Variants in FAM120B observed in about 807,000 individuals in gnomAD.
FAM120B encodes family with sequence similarity 120 member B.
Under a neutral mutation model 96.3 loss-of-function variants are expected in FAM120B, and 83 were observed. That is an observed-to-expected ratio of 0.86 (90% CI 0.72 to 1.03). The LOEUF (loss-of-function observed/expected upper bound fraction) is 1.03. FAM120B is among the 50% of genes least tolerant of loss of function. The pLI, the probability that FAM120B is intolerant of heterozygous loss-of-function variation, is 0.00. For missense variants in FAM120B, 1,027 were observed against 1,121.2 expected (o/e 0.92, Z 1.20); for synonymous variants, 407 against 402.7 (o/e 1.01, Z -0.13).
At chr6:170,366,669 G>A (rs1404702345) in intron 6 of FAM120B, among the ~76,000 whole-genome samples, 1 of 152,212 alleles carries the variant, frequency 6.6e-6, no homozygotes, top group Non-Finnish European at 1.5e-5. Flanking sequence ...AGGAGCCAGC[G>A]AAGGCTTAGA....
chr6:170,334,887 C>T (rs1426882910), intron 4 of FAM120B, among the ~76,000 whole-genome samples: 1 of 151,996 alleles, frequency 6.6e-6, no homozygotes, highest in Non-Finnish European at 1.5e-5. Context: ...AAAACTTATC[C>T]ATGTAAGTAT....
At chr6:170,373,765 T>G (rs1789347484) in intron 6 of FAM120B, among the ~76,000 whole-genome samples, 2 of 152,212 alleles carry the variant, frequency 1.3e-5, no homozygotes, top group Non-Finnish European at 2.9e-5. Context: ...TACAGTATAT[T>G]ATCTGGGAAA....
chr6:170,386,204 A>C (rs1790178004), intron 6 of FAM120B, among the ~76,000 whole-genome samples: 1 of 152,192 alleles, frequency 6.6e-6, no homozygotes, highest in Non-Finnish European at 1.5e-5. Context: ...TGATCTGTAG[A>C]GAAGCAGAGG....
chr6:170,355,313 A>G (rs1787834917), intron 5 of FAM120B, among the ~76,000 whole-genome samples: 1 of 152,188 alleles, frequency 6.6e-6, no homozygotes, highest in East Asian at 1.9e-4. Flanking sequence ...CATTGAATCA[A>G]CCTAAATGCA....
At chr6:170,323,440 C>T (rs1785421166) in intron 3 of FAM120B, among the ~76,000 whole-genome samples, 181 bp downstream of exon 3, 1 of 152,156 alleles carries the variant, frequency 6.6e-6, no homozygotes. Context: ...GCGTAAGTGC[C>T]ATTGGACGTC....
intron 9 of FAM120B, 116 bp from the exon 10 acceptor site, chr6:170,404,434 G>T: frequency 1.2e-6 from 1 of 838,680 alleles, no homozygotes; most frequent in Non-Finnish European, 1.9e-6. Flanking sequence ...GGATAAAGCT[G>T]TGTCCTCCAA....
At chr6:170,314,838 C>A (rs1393418561) in intron 1 of FAM120B, among the ~76,000 whole-genome samples, 1 of 152,198 alleles carries the variant, frequency 6.6e-6, no homozygotes, top group African/African-American at 2.4e-5. Context: ...CACAAGTTCC[C>A]AAAACCTTTG....
chr6:170,312,124 C>T (rs1784632196), intron 1 of FAM120B, among the ~76,000 whole-genome samples: 1 of 152,120 alleles, frequency 6.6e-6, no homozygotes, highest in Non-Finnish European at 1.5e-5. Context: ...TAGACACAAA[C>T]AGATTATAAA....
Position 170,318,018 on chromosome 6 carries a change from A to T in FAM120B, c.628A>T (p.Lys210Ter). ...GGACACCGTCATGCTCTGCAGAGAG[A>T]AGCTCTGTGAGAGTCTGGGCCTCTG... ...SLDTVMLCREKLCESLGLCVA... is the reference protein window; with the variant it reads ...SLDTVMLCRE The change falls in exon 2 of 11, where the codon AAG becomes TAG. Residue 210 changes from lysine to a stop codon, truncating the protein, a stop_gained. Coordinates refer to ENST00000476287, the MANE Select transcript of FAM120B (RefSeq NM_032448.3). LOFTEE classifies it high-confidence loss of function. 1 of 1,613,984 alleles carries T rather than the reference A, an allele frequency of 6.2e-7. No homozygotes were observed. The highest frequency in any genetic ancestry group is 8.5e-7 in the Non-Finnish European group (1 of 1,179,914).
chr6:170,361,256 G>A (rs141283481), intron 6 of FAM120B, among the ~76,000 whole-genome samples: 12,792 of 89,044 alleles, frequency 0.14, 1,345 homozygotes, highest in African/African-American at 0.32. Flanking sequence ...ATATATATAC[G>A]TGTATATATA....
intron 1 of FAM120B, among the ~76,000 whole-genome samples, chr6:170,311,683 G>C (rs1174699322): frequency 6.6e-6 from 1 of 152,196 alleles, no homozygotes; most frequent in Non-Finnish European, 1.5e-5. Flanking sequence ...ACTGTTGTCT[G>C]CTGGAGGGCA....
In FAM120B at chr6:170,363,858, G is replaced by A. The variant is rs902244818; in HGVS notation, c.2283+5540G>A. ...CAGCTCACTGCAACCTCAGCCTCCC[G>A]AGTAGCTGGGATTACGGGCATGCAC... On this transcript the variant is annotated intron_variant, in intron 6 of 10. Transcript: ENST00000476287. The surrounding 1 kb of genome is among the most constrained non-coding windows in gnomAD (Gnocchi z 4.5). 7.9e-5 allele frequency among the ~76,000 whole-genome samples: 12 copies of A among 151,976 alleles called. No individual in the cohort carries two copies. Among genetic ancestry groups the A allele is most frequent in the Non-Finnish European group, 2.9e-5 (2 of 67,988 alleles).
chr6:170,332,759 C>G (rs913887515), intron 4 of FAM120B, among the ~76,000 whole-genome samples: 2 of 152,086 alleles, frequency 1.3e-5, no homozygotes, highest in Non-Finnish European at 2.9e-5. Flanking sequence ...GGAAAACCTG[C>G]AAAAGGTTCT....
chr6:170,358,454 G>A, intron 6 of FAM120B, 136 bp downstream of exon 6: 2 of 654,824 alleles, frequency 3.1e-6, no homozygotes, highest in Non-Finnish European at 5.3e-6. Flanking sequence ...TGATGCAGTA[G>A]TTTGTCTTCG....
chr6:170,333,383 A>G (rs912782126), intron 4 of FAM120B, among the ~76,000 whole-genome samples: 1 of 152,174 alleles, frequency 6.6e-6, no homozygotes, highest in African/African-American at 2.4e-5. Context: ...TTGGGCTTCC[A>G]GCCTCCAGAA....
chr6:170,360,222 A>G (rs1433455611), intron 6 of FAM120B, among the ~76,000 whole-genome samples: 1 of 152,204 alleles, frequency 6.6e-6, no homozygotes, highest in Non-Finnish European at 1.5e-5. Context: ...TGGGGTCTTG[A>G]GCAGGTTCTT....
intron 5 of FAM120B, among the ~76,000 whole-genome samples, chr6:170,357,244 C>T (rs1336930715): frequency 1.3e-5 from 2 of 149,564 alleles, no homozygotes; most frequent in African/African-American, 2.4e-5. Flanking sequence ...GTTCAGTCAG[C>T]GGGCACGTCC....
At chr6:170,364,915 C>G (rs118087719) in intron 6 of FAM120B, among the ~76,000 whole-genome samples, 1,649 of 152,256 alleles carry the variant, frequency 0.011, 18 homozygotes, top group South Asian at 0.019. Context: ...AGCTAAAAGC[C>G]CTTTCGTACA....
chr6:170,325,666 C>A (rs1785544782), intron 3 of FAM120B, among the ~76,000 whole-genome samples: 1 of 151,892 alleles, frequency 6.6e-6, no homozygotes, highest in Non-Finnish European at 1.5e-5. Flanking sequence ...CATGGTGAAA[C>A]CCTGTCTCTA....
Sources: allele counts gnomAD v4.1 joint callset (sites outside exome capture counted in the v4.1 genomes callset), GRCh38; gene constraint gnomAD v4.1.1; non-coding constraint Gnocchi (gnomAD v3.1); transcripts MANE v1.5; gene names NCBI Gene and HGNC (gene_info 2026-07-23, HGNC 2026-07-21).